FCHSD2: variants seen among roughly 807,000 people sequenced by gnomAD.
FCHSD2 encodes the protein F-BAR and double SH3 domains protein 2.
A neutral mutation model predicts 108.1 loss-of-function variants in FCHSD2; 38 were observed. That is an observed-to-expected ratio of 0.35 (90% CI 0.27 to 0.46). FCHSD2 has a LOEUF of 0.46. Ranked by LOEUF, FCHSD2 falls within the 20% of genes least tolerant of loss-of-function variation. FCHSD2 has a pLI of 1.00. For missense variants in FCHSD2, 751 were observed against 897.8 expected, an observed-to-expected ratio of 0.84 and a Z score of 2.09; for synonymous variants, 279 against 314.7, an observed-to-expected ratio of 0.89 and a Z score of 1.20.
intron 3 of FCHSD2, among the ~76,000 whole-genome samples, chr11:73,081,088 T>C (rs554311730): frequency 1.3e-5 from 2 of 152,330 alleles, no homozygotes; most frequent in South Asian, 2.1e-4. Context: ...TTTCATAAAA[T>C]TTAATGTAGT....
chr11:72,939,745 A>C (rs1856378456), intron 8 of FCHSD2, among the ~76,000 whole-genome samples: 1 of 148,076 alleles, frequency 6.8e-6, no homozygotes, highest in Non-Finnish European at 1.5e-5. Flanking sequence ...CAGCCTCCCG[A>C]GCAGCTGGGA....
At chr11:73,032,431 G>T (rs1286422824) in intron 3 of FCHSD2, among the ~76,000 whole-genome samples, 1 of 152,032 alleles carries the variant, frequency 6.6e-6, no homozygotes, top group African/African-American at 2.4e-5. Flanking sequence ...TCACTTTATT[G>T]CCAAGGTTGG....
intron 8 of FCHSD2, among the ~76,000 whole-genome samples, chr11:72,970,285 T>C (rs1842871946): frequency 6.6e-6 from 1 of 152,136 alleles, no homozygotes; most frequent in African/African-American, 2.4e-5. Context: ...TTACAGAATC[T>C]AAGAACACTA....
At chr11:72,912,349 A>C (rs907248251) in intron 9 of FCHSD2, among the ~76,000 whole-genome samples, 1 of 152,224 alleles carries the variant, frequency 6.6e-6, no homozygotes, top group Non-Finnish European at 1.5e-5. Context: ...GGGTTTTATC[A>C]TAAGGGGAGG....
At chr11:72,841,369 ATGC>A in intron 18 of FCHSD2, 82 bp downstream of exon 18, 4 of 1,169,944 alleles carry the variant, frequency 3.4e-6, no homozygotes, top group Non-Finnish European at 4.8e-6. Context: ...AAAAAAGCAA[ATGC>A]AGTTTTTTTT....
At chr11:72,939,024 A>C (rs1856360489) in intron 8 of FCHSD2, among the ~76,000 whole-genome samples, 1 of 152,216 alleles carries the variant, frequency 6.6e-6, no homozygotes, top group African/African-American at 2.4e-5. Context: ...GGATATTTTC[A>C]AATTTTAATA....
At chr11:72,954,302 G>T (rs1856673249) in intron 8 of FCHSD2, among the ~76,000 whole-genome samples, 1 of 150,422 alleles carries the variant, frequency 6.6e-6, no homozygotes, top group African/African-American at 2.5e-5. Flanking sequence ...TCAAACACCT[G>T]GGCTCATGCA....
chr11:73,057,779 T>C (rs1859061559), intron 3 of FCHSD2, among the ~76,000 whole-genome samples: 1 of 152,158 alleles, frequency 6.6e-6, no homozygotes. Context: ...AAACAATGTA[T>C]TGCGCCCCAC....
At chr11:72,896,640 C>T (rs1052060934) in intron 10 of FCHSD2, among the ~76,000 whole-genome samples, 2 of 151,834 alleles carry the variant, frequency 1.3e-5, no homozygotes, top group Non-Finnish European at 2.9e-5. Context: ...TTTTAGTGAT[C>T]AATCCAATAA....
intron 3 of FCHSD2, among the ~76,000 whole-genome samples, chr11:73,067,965 C>G (rs1591528105): frequency 6.6e-6 from 1 of 152,196 alleles, no homozygotes; most frequent in East Asian, 1.9e-4. Flanking sequence ...AAGGCTAAAG[C>G]CATGTCTTAC....
chr11:72,907,466 G>A (rs1239278922), intron 9 of FCHSD2, among the ~76,000 whole-genome samples: 1 of 148,418 alleles, frequency 6.7e-6, no homozygotes, highest in Non-Finnish European at 1.5e-5. Flanking sequence ...TATTGGCTGT[G>A]AGTCTGTCAT....
intron 8 of FCHSD2, among the ~76,000 whole-genome samples, chr11:72,983,529 G>T (rs1034657052): frequency 6.6e-6 from 1 of 151,992 alleles, no homozygotes; most frequent in African/African-American, 2.4e-5. Context: ...GGCCAAAATT[G>T]TAGTTAATAA....
At chr11:72,992,025 C>T (rs768954749) in intron 5 of FCHSD2, among the ~76,000 whole-genome samples, 7 of 152,086 alleles carry the variant, frequency 4.6e-5, no homozygotes, top group South Asian at 4.2e-4. Context: ...TCGTCTCAGC[C>T]CAAAATCTCC....
chr11:72,857,979 C>T (rs1170302837), intron 13 of FCHSD2, among the ~76,000 whole-genome samples: 2 of 152,118 alleles, frequency 1.3e-5, no homozygotes, highest in African/African-American at 4.8e-5. Flanking sequence ...TCAATGACCT[C>T]GTCTCTCTAA....
chr11:72,850,763 T>C (rs1054447593), intron 13 of FCHSD2, among the ~76,000 whole-genome samples: 2 of 152,074 alleles, frequency 1.3e-5, no homozygotes, highest in Non-Finnish European at 2.9e-5. Context: ...CAAGGGCCTC[T>C]AAATTTTAAC....
At chr11:73,073,172 G>C (rs1178539656) in intron 3 of FCHSD2, among the ~76,000 whole-genome samples, 1 of 152,226 alleles carries the variant, frequency 6.6e-6, no homozygotes, top group Non-Finnish European at 1.5e-5. Flanking sequence ...TCAGTGGTTA[G>C]CTAATTGCAG....
At chr11:73,112,574 A>G (rs1443285384) in intron 2 of FCHSD2, among the ~76,000 whole-genome samples, 3 of 152,060 alleles carry the variant, frequency 2.0e-5, no homozygotes, top group Non-Finnish European at 4.4e-5. Context: ...CCGTGAATAA[A>G]CTTTCTACTC....
chr11:72,865,414 A>AT (rs1854699287), intron 13 of FCHSD2, among the ~76,000 whole-genome samples: 1 of 152,226 alleles, frequency 6.6e-6, no homozygotes, highest in Non-Finnish European at 1.5e-5. Flanking sequence ...TGCAGGCTCC[A>AT]TAAGAGTGAT....
At chr11:72,842,553 T>A in intron 17 of FCHSD2, 68 bp downstream of exon 17, 3 of 1,591,330 alleles carry the variant, frequency 1.9e-6, no homozygotes, top group Non-Finnish European at 2.6e-6. Flanking sequence ...TTTGTGTGGA[T>A]CCACAGACCC....
Sources: gnomAD v4.1 joint callset for allele counts (sites outside exome capture counted in the v4.1 genomes callset) on GRCh38, gnomAD v4.1.1 for gene constraint, MANE v1.5 for transcripts, NCBI Gene and HGNC (gene_info 2026-07-23, HGNC 2026-07-21) for gene names.